Variants in PTBP3 observed in about 807,000 individuals in gnomAD.
PTBP3 encodes the protein polypyrimidine tract-binding protein 3.
Under a neutral mutation model 58.7 loss-of-function variants are expected in PTBP3, and 20 were observed. The observed-to-expected ratio is 0.34, with a 90% CI of 0.24 to 0.50. The LOEUF is 0.50. PTBP3 is among the 20% of genes least tolerant of loss of function. The probability of loss-of-function intolerance (pLI) is 0.98; values close to 1 mark genes in which losing one functional copy is unlikely to be tolerated. For synonymous variants in PTBP3, 185 were observed against 219.8 expected (o/e 0.84, Z 1.40); for missense variants, 509 against 637.2 (o/e 0.80, Z 2.17).
chr9:112,346,403 G>A, the PTBP3 span, among the ~76,000 whole-genome samples: 1 of 152,064 alleles, frequency 6.6e-6, no homozygotes, highest in Non-Finnish European at 1.5e-5. Flanking sequence ...CTGACCTCAG[G>A]TGATCCACCT....
the PTBP3 span, among the ~76,000 whole-genome samples, chr9:112,354,664 T>A: frequency 1.3e-5 from 2 of 152,162 alleles, no homozygotes; most frequent in Non-Finnish European, 2.9e-5. Flanking sequence ...TGGCACAGAA[T>A]AAATACATGG....
At chr9:112,289,559 T>C (rs1188322605) in intron 2 of PTBP3, among the ~76,000 whole-genome samples, 3 of 152,118 alleles carry the variant, frequency 2.0e-5, no homozygotes, top group Non-Finnish European at 2.9e-5. Context: ...GGCAGGAGAA[T>C]TGCTTGAGCC....
At chr9:112,368,415 C>A in the PTBP3 span, among the ~76,000 whole-genome samples, 1 of 152,198 alleles carries the variant, frequency 6.6e-6, no homozygotes, top group Admixed American at 6.5e-5. Context: ...AAGTTATCCA[C>A]CCACCTTGGC....
intron 5 of PTBP3, among the ~76,000 whole-genome samples, chr9:112,258,017 T>C (rs1453991926): frequency 6.6e-6 from 1 of 152,080 alleles, no homozygotes; most frequent in Admixed American, 6.5e-5. Flanking sequence ...CCACAACTTG[T>C]TTATAATAGT....
chr9:112,346,452 C>T, the PTBP3 span, among the ~76,000 whole-genome samples: 1 of 152,116 alleles, frequency 6.6e-6, no homozygotes, highest in African/African-American at 2.4e-5. Flanking sequence ...CAGGCATGAG[C>T]CACCACACCT....
At chr9:112,325,138 T>C (rs1035680276) in intron 1 of PTBP3, among the ~76,000 whole-genome samples, 1 of 152,212 alleles carries the variant, frequency 6.6e-6, no homozygotes, top group African/African-American at 2.4e-5. Context: ...ATATATTTGA[T>C]AAGAGTCAAG....
intron 1 of PTBP3, chr9:112,330,422 G>GA: frequency 6.8e-7 from 1 of 1,476,392 alleles, no homozygotes. Flanking sequence ...CATATGAAAG[G>GA]ATAGTAAAAG....
chr9:112,252,472 G>A (rs1468043131), intron 6 of PTBP3: 1 of 540,536 alleles, frequency 1.9e-6, no homozygotes, highest in Non-Finnish European at 3.3e-6. Context: ...AGAGGTGATA[G>A]GAGATTTGAG....
intron 9 of PTBP3, 132 bp downstream of exon 9, chr9:112,231,967 G>GAGAAGAGAAGAGAAGAGA: frequency 1.6e-5 from 3 of 185,422 alleles, no homozygotes; most frequent in East Asian, 1.1e-4. Context: ...GAGAAGAGAA[G>GAGAAGAGAAGAGAAGAGA]AGAGAAGAGA....
intron 7 of PTBP3, among the ~76,000 whole-genome samples, chr9:112,247,341 G>T (rs1821340797): frequency 6.6e-6 from 1 of 151,726 alleles, no homozygotes; most frequent in South Asian, 2.1e-4. Context: ...ACAGAATAAA[G>T]AAGTGTTCTG....
chr9:112,247,319 G>C (rs893777264), intron 7 of PTBP3, among the ~76,000 whole-genome samples: 1 of 150,774 alleles, frequency 6.6e-6, no homozygotes. Flanking sequence ...AATAACAATA[G>C]TTATGAAAGA....
the PTBP3 span, among the ~76,000 whole-genome samples, chr9:112,377,322 C>T: frequency 1.4e-4 from 22 of 152,232 alleles, no homozygotes; most frequent in African/African-American, 4.8e-4. Context: ...TACACTCCAG[C>T]CTGGGTGACA....
the PTBP3 span, among the ~76,000 whole-genome samples, chr9:112,366,388 T>A: frequency 6.6e-6 from 1 of 151,882 alleles, no homozygotes; most frequent in East Asian, 1.9e-4. Flanking sequence ...GCCCCTCCCA[T>A]CACAGGAGGA....
chr9:112,255,282 C>T (rs1836298516), intron 5 of PTBP3, among the ~76,000 whole-genome samples: 1 of 152,006 alleles, frequency 6.6e-6, no homozygotes, highest in Non-Finnish European at 1.5e-5. Flanking sequence ...ATTCTGGAAA[C>T]ATGGTATTTG....
At chr9:112,283,696 CG>C (rs1827979510) in intron 2 of PTBP3, among the ~76,000 whole-genome samples, 2 of 152,324 alleles carry the variant, frequency 1.3e-5, no homozygotes, top group African/African-American at 4.8e-5. Context: ...ATTGCCAAGA[CG>C]ATATGGAAAA....
intron 1 of PTBP3, among the ~76,000 whole-genome samples, chr9:112,331,532 T>A (rs901979438): frequency 4.6e-5 from 7 of 152,262 alleles, no homozygotes; most frequent in Admixed American, 3.9e-4. Context: ...GTAGATTTTT[T>A]ATTTTTCCTT....
intron 2 of PTBP3, among the ~76,000 whole-genome samples, chr9:112,292,826 C>T (rs937565209): frequency 7.9e-5 from 12 of 152,064 alleles, no homozygotes; most frequent in Non-Finnish European, 1.6e-4. Context: ...AAACTTCTAG[C>T]GATCTGTTGT....
chr9:112,275,804 G>A (rs1827584986), intron 3 of PTBP3, 40 bp downstream of exon 3: 1 of 1,499,608 alleles, frequency 6.7e-7, no homozygotes, highest in Non-Finnish European at 9.2e-7. Flanking sequence ...ACTAACATCT[G>A]GAGATAATCA....
intron 11 of PTBP3, 26 bp downstream of exon 11, chr9:112,228,354 T>TATTAATA: frequency 6.7e-7 from 1 of 1,491,454 alleles, no homozygotes; most frequent in Non-Finnish European, 9.1e-7. Context: ...TTCACATTAT[T>TATTAATA]ATTAATAATT....
Sources: allele counts gnomAD v4.1 joint callset (sites outside exome capture counted in the v4.1 genomes callset), GRCh38; gene constraint gnomAD v4.1.1; transcripts MANE v1.5; gene names NCBI Gene and HGNC (gene_info 2026-07-23, HGNC 2026-07-21).